RARB: variants seen among roughly 807,000 people sequenced by gnomAD.
RARB encodes retinoic acid receptor beta.
RARB carries 17 observed loss-of-function variants against 51.9 expected under a neutral mutation model. The ratio of observed to expected loss-of-function variants is 0.33; its 90% CI spans 0.22 to 0.49. The LOEUF is 0.49. Among genes scored for constraint, RARB ranks in the 20% least tolerant of loss-of-function variants. The pLI, the probability that RARB is intolerant of heterozygous loss-of-function variation, is 0.99. For missense variants in RARB, 369 were observed against 550.8 expected, an observed-to-expected ratio of 0.67 and a Z score of 3.30; for synonymous variants, 215 against 195.4, an observed-to-expected ratio of 1.10 and a Z score of -0.84.
chr3:25,077,409 T>A (rs1350347676), intron 3 of RARB, among the ~76,000 whole-genome samples: 1 of 152,194 alleles, frequency 6.6e-6, no homozygotes, highest in Non-Finnish European at 1.5e-5. Context: ...TGATTTTTAT[T>A]GTCTAAGATT....
At chr3:25,446,120 T>C (rs920145670) in intron 1 of RARB, among the ~76,000 whole-genome samples, 1 of 152,218 alleles carries the variant, frequency 6.6e-6, no homozygotes, top group African/African-American at 2.4e-5. Flanking sequence ...ACATGAGGTT[T>C]TGAAGAAAAT....
intron 3 of RARB, among the ~76,000 whole-genome samples, chr3:25,564,699 A>C (rs1700418734): frequency 6.6e-6 from 1 of 152,136 alleles, no homozygotes; most frequent in Admixed American, 6.5e-5. Context: ...GAGACAAGTA[A>C]CATGTGGCCC....
intron 5 of RARB, among the ~76,000 whole-genome samples, chr3:25,392,990 G>T (rs931486838): frequency 6.6e-6 from 1 of 152,030 alleles, no homozygotes; most frequent in South Asian, 2.1e-4. Flanking sequence ...AATGACTTCA[G>T]ATTTTCCCCA....
intron 3 of RARB, among the ~76,000 whole-genome samples, chr3:25,071,650 G>A (rs1024060791): frequency 6.6e-6 from 1 of 152,202 alleles, no homozygotes; most frequent in Non-Finnish European, 1.5e-5. Context: ...AAGGAGAATA[G>A]TAATGAATTA....
intron 3 of RARB, among the ~76,000 whole-genome samples, chr3:25,568,805 A>G (rs532561034): frequency 6.6e-5 from 10 of 152,310 alleles, no homozygotes; most frequent in East Asian, 5.8e-4. Context: ...CCCAGAGAAC[A>G]TGGACTCCCT....
At chr3:25,563,447 T>C (rs1317725102) in intron 3 of RARB, among the ~76,000 whole-genome samples, 1 of 152,184 alleles carries the variant, frequency 6.6e-6, no homozygotes, top group African/African-American at 2.4e-5. Context: ...GGAATTCACA[T>C]GGCAGGCACT....
At chr3:25,133,389 T>C (rs1250960395) in intron 4 of RARB, among the ~76,000 whole-genome samples, 1 of 152,000 alleles carries the variant, frequency 6.6e-6, no homozygotes, top group Non-Finnish European at 1.5e-5. Context: ...AAGCCTATGA[T>C]ATCCACTCTG....
Position 25,159,837 on chromosome 3 carries a change from T to G in RARB, c.-279-14282T>G, listed in dbSNP as rs144193938. Among the ~76,000 whole-genome samples, 405 of 152,256 alleles carry G rather than the reference T, an allele frequency of 2.7e-3. 4 individuals carry two copies. Among genetic ancestry groups the G allele is most frequent in the African/African-American group, 9.5e-3 (395 of 41,534 alleles). On this transcript the variant is annotated intron_variant, in intron 4 of 11. Coordinates refer to the RARB transcript ENST00000383772. ...CCAAACTTCAGTATTCAAATGAGGTTAAACTTTTATTTTTCTTCTAGGTAC... is the reference window on the plus strand; with the variant it reads ...CCAAACTTCAGTATTCAAATGAGGTGAAACTTTTATTTTTCTTCTAGGTAC...
intron 4 of RARB, among the ~76,000 whole-genome samples, chr3:25,149,775 C>G (rs1174293075): frequency 6.6e-6 from 1 of 152,218 alleles, no homozygotes; most frequent in Non-Finnish European, 1.5e-5. Context: ...TGAAGAAGGT[C>G]TCCATTTGCA....
chr3:25,252,035 A>T (rs112990186), intron 5 of RARB, among the ~76,000 whole-genome samples: 6 of 152,210 alleles, frequency 3.9e-5, no homozygotes, highest in African/African-American at 1.4e-4. Flanking sequence ...ATTTTTGTAT[A>T]TGATGTGAGA....
intron 2 of RARB, among the ~76,000 whole-genome samples, chr3:24,996,409 A>T (rs1364915361): frequency 6.6e-6 from 1 of 151,860 alleles, no homozygotes; most frequent in Non-Finnish European, 1.5e-5. Context: ...TTCACAAAAG[A>T]TTTTTGTTTT....
chr3:25,381,366 AC>A (rs2125479425), intron 5 of RARB, among the ~76,000 whole-genome samples: 1 of 152,310 alleles, frequency 6.6e-6, no homozygotes, highest in East Asian at 1.9e-4. Context: ...CTGGTGCCAG[AC>A]TTCCTGTGTT....
At chr3:25,168,547 A>G (rs1296728973) in intron 4 of RARB, among the ~76,000 whole-genome samples, 2 of 152,184 alleles carry the variant, frequency 1.3e-5, no homozygotes, top group Non-Finnish European at 2.9e-5. Context: ...TTAATATCCT[A>G]AAAAATATCA....
At chr3:24,955,200 A>C (rs1236692605) in intron 2 of RARB, among the ~76,000 whole-genome samples, 3 of 152,174 alleles carry the variant, frequency 2.0e-5, no homozygotes, top group Non-Finnish European at 4.4e-5. Flanking sequence ...GGATGGTGTA[A>C]GAAGAAGGTA....
chr3:24,967,982 G>A (rs1696313698), intron 2 of RARB, among the ~76,000 whole-genome samples: 1 of 152,158 alleles, frequency 6.6e-6, no homozygotes, highest in Admixed American at 6.5e-5. Context: ...ATAACAGACA[G>A]GATGTTTTCT....
chr3:25,461,224 A>C lies in RARB; in HGVS notation c.189A>C (p.Glu63Asp). The C allele has an allele frequency of 6.2e-7, 1 of 1,613,776 alleles. No homozygotes were observed. Residue 63 changes from glutamate to aspartate, a missense_variant, in exon 2 of 8, where the codon GAA (glutamate) becomes GAC (aspartate). By Grantham distance (45) the Glu-to-Asp change is conservative (BLOSUM62 2). Around this residue, in one of 9 missense-constraint regions of RARB, gnomAD observed 99 missense variants for 95.1 expected, o/e 1.04. Transcript: ENST00000330688. ...AAACACAGAGCACCAGCTCTGAGGA[A>C]CTCGTCCCAAGCCCCCCATCTCCAC... ...SIETQSTSSE[E>D]LVPSPPSPLP... is the part of the protein sequence containing the mutation.
intron 5 of RARB, among the ~76,000 whole-genome samples, chr3:25,343,901 G>A (rs1705308733): frequency 6.6e-6 from 1 of 152,128 alleles, no homozygotes; most frequent in South Asian, 2.1e-4. Flanking sequence ...GAAAGAGGAT[G>A]GCAGCTCAGA....
At chr3:25,223,535 TG>T (rs1228487799) in intron 5 of RARB, among the ~76,000 whole-genome samples, 1 of 152,218 alleles carries the variant, frequency 6.6e-6, no homozygotes, top group Non-Finnish European at 1.5e-5. Context: ...GAGTGATGGC[TG>T]GAACCATGCT....
intron 2 of RARB, among the ~76,000 whole-genome samples, chr3:24,980,950 G>T (rs1350284916): frequency 6.6e-6 from 1 of 152,128 alleles, no homozygotes; most frequent in Admixed American, 6.5e-5. Flanking sequence ...TGGGGTTTTG[G>T]TGTGGATGTC....
Sources: allele counts gnomAD v4.1 joint callset (sites outside exome capture counted in the v4.1 genomes callset), GRCh38; gene constraint gnomAD v4.1.1; regional missense constraint gnomAD v4.1.1; transcripts MANE v1.5; gene names NCBI Gene and HGNC (gene_info 2026-07-23, HGNC 2026-07-21).